WWP2: variants seen among roughly 807,000 people sequenced by gnomAD.
WWP2 encodes WW domain containing E3 ubiquitin protein ligase 2.
A neutral mutation model predicts 121.0 loss-of-function variants in WWP2; 57 were observed. The observed-to-expected ratio is 0.47, with a 90% CI of 0.38 to 0.59. The LOEUF (loss-of-function observed/expected upper bound fraction) is 0.59, where lower values mean the gene tolerates loss of function less well. Ranked by LOEUF, WWP2 falls within the 20% of genes least tolerant of loss-of-function variation. WWP2 has a pLI of 0.00. For synonymous variants in WWP2, 449 were observed against 441.3 expected (o/e 1.02, Z -0.22); for missense variants, 962 against 1,158.9 (o/e 0.83, Z 2.47).
intron 9 of WWP2, among the ~76,000 whole-genome samples, chr16:69,916,734 T>C (rs887100303): frequency 6.6e-6 from 1 of 152,052 alleles, no homozygotes; most frequent in African/African-American, 2.4e-5. Flanking sequence ...TGGCATTCAA[T>C]TGAATGAAGG....
In WWP2 at chr16:69,858,183, G is replaced by A. The variant is rs965510517; in HGVS notation, c.576-13621G>A. 1.2e-4 allele frequency among the ~76,000 whole-genome samples: 18 copies of A among 152,138 alleles called. No homozygotes were observed. In the East Asian group the frequency reaches 3.5e-3, roughly 29 times the overall value. On this transcript the variant is annotated intron_variant, in intron 6 of 23. Transcript: ENST00000359154. The stretch of plus-strand genomic sequence containing the variant: ...TCTTTACACTTAGAAAAAGGATGAT[G>A]AATTGGAGACTTCCGAGGAGTTATT...
chr16:69,937,163 CA>C lies in WWP2; in HGVS notation c.2166del (p.Ala723ProfsTer25). ...RFTRGVEEQTKAFLDGFNEVA... is the reference protein window; with the variant it reads ...RFTRGVEEQTXAFLDGFNEVA... ...TCACCCGAGGCGTGGAAGAGCAGAC[CA>C]AAGCCTTCCTGGATGGCTTCAACGA... On this transcript the variant is annotated frameshift_variant, in exon 20 of 24. Coordinates refer to ENST00000359154, the MANE Select transcript of WWP2 (RefSeq NM_001270454.2). LOFTEE classifies it high-confidence loss of function. This position sits in a 1 kb window ranked among gnomAD's most constrained non-coding sequence, Gnocchi z 6.6. The C allele has an allele frequency of 6.2e-7, 1 of 1,613,956 alleles. No individual in the cohort carries two copies. Among genetic ancestry groups the C allele is most frequent in the Non-Finnish European group, 8.5e-7 (1 of 1,179,996 alleles).
At chr16:69,849,118 A>G (rs1384147189) in intron 6 of WWP2, among the ~76,000 whole-genome samples, 1 of 152,226 alleles carries the variant, frequency 6.6e-6, no homozygotes, top group Non-Finnish European at 1.5e-5. Flanking sequence ...CAGACAGCCT[A>G]TCCCAGAAAG....
At chr16:69,781,428 C>T (rs552063145) in intron 1 of WWP2, among the ~76,000 whole-genome samples, 1 of 152,276 alleles carries the variant, frequency 6.6e-6, no homozygotes, top group South Asian at 2.1e-4. Flanking sequence ...TCACTGCAGC[C>T]TTGACCTCCT....
chr16:69,877,362 A>G (rs993525899), intron 7 of WWP2, among the ~76,000 whole-genome samples: 5 of 152,200 alleles, frequency 3.3e-5, no homozygotes, highest in African/African-American at 9.7e-5. Context: ...CTCAGCCTTC[A>G]TAGAATTGAA....
At chr16:69,844,759 T>C (rs899576692) in intron 6 of WWP2, among the ~76,000 whole-genome samples, 1 of 152,188 alleles carries the variant, frequency 6.6e-6, no homozygotes, top group Non-Finnish European at 1.5e-5. Context: ...GTGTAAGCCT[T>C]ATCGGAGTCC....
intron 4 of WWP2, among the ~76,000 whole-genome samples, chr16:69,824,042 C>CT (rs2056639829): frequency 6.6e-6 from 1 of 152,174 alleles, no homozygotes; most frequent in South Asian, 2.1e-4. Flanking sequence ...TGAATGTGAG[C>CT]TGTTTCCTTC....
intron 6 of WWP2, among the ~76,000 whole-genome samples, chr16:69,865,870 T>C (rs985064651): frequency 6.6e-6 from 1 of 152,170 alleles, no homozygotes; most frequent in Admixed American, 6.5e-5. Context: ...TGGCCTCTTA[T>C]CAGAAAGGAA....
intron 9 of WWP2, among the ~76,000 whole-genome samples, chr16:69,915,256 T>A (rs1161038074): frequency 6.6e-6 from 1 of 152,252 alleles, no homozygotes; most frequent in African/African-American, 2.4e-5. Flanking sequence ...ACTTATAGTA[T>A]TCTACATTGT....
chr16:69,800,223 C>T (rs927815022), intron 4 of WWP2, among the ~76,000 whole-genome samples: 17 of 152,238 alleles, frequency 1.1e-4, no homozygotes, highest in African/African-American at 3.6e-4. Context: ...CACACTGGCC[C>T]GAGGAATTGT....
chr16:69,922,277 C>T (rs1226681231), intron 10 of WWP2, among the ~76,000 whole-genome samples: 2 of 152,052 alleles, frequency 1.3e-5, no homozygotes, highest in East Asian at 1.9e-4. Flanking sequence ...CTGCGTTCCA[C>T]GCTGCAACCT....
intron 4 of WWP2, chr16:69,828,038 T>G (rs1371206937): frequency 5.0e-6 from 2 of 398,386 alleles, no homozygotes; most frequent in African/African-American, 4.2e-5. Flanking sequence ...CTGTAATGGG[T>G]AACTGGTGCT....
At chr16:69,833,821 C>G (rs2056831153) in intron 4 of WWP2, among the ~76,000 whole-genome samples, 1 of 152,136 alleles carries the variant, frequency 6.6e-6, no homozygotes, top group Non-Finnish European at 1.5e-5. Context: ...GTTTGCAGCC[C>G]CTGCCTGTGA....
intron 1 of WWP2, among the ~76,000 whole-genome samples, chr16:69,776,700 TGCC>T (rs1567657278): frequency 2.6e-5 from 4 of 152,186 alleles, no homozygotes; most frequent in Middle Eastern, 6.8e-3. Context: ...TGGTGGTGCA[TGCC>T]TGTAATCCCA....
chr16:69,773,368 T>G (rs1199200483), intron 1 of WWP2, among the ~76,000 whole-genome samples: 1 of 152,076 alleles, frequency 6.6e-6, no homozygotes, highest in Non-Finnish European at 1.5e-5. Flanking sequence ...TAGTAGAGAT[T>G]GGGTTTCACT....
At chr16:69,841,829 C>T (rs1377016772) in intron 5 of WWP2, among the ~76,000 whole-genome samples, 195 bp from the exon 6 acceptor site, 4 of 152,162 alleles carry the variant, frequency 2.6e-5, no homozygotes, top group Non-Finnish European at 4.4e-5. Context: ...CCCCACTGCT[C>T]CATGGCATGG....
At chr16:69,833,124 G>C (rs1286574063) in intron 4 of WWP2, among the ~76,000 whole-genome samples, 1 of 152,254 alleles carries the variant, frequency 6.6e-6, no homozygotes, top group Admixed American at 6.5e-5. Context: ...CTCCCAAAGT[G>C]CTGGGATTAC....
At chr16:69,772,908 C>G (rs184493383) in intron 1 of WWP2, among the ~76,000 whole-genome samples, 53 of 152,160 alleles carry the variant, frequency 3.5e-4, no homozygotes, top group African/African-American at 1.1e-3. Context: ...ACACTGGAAC[C>G]ATTTTCCAAA....
chr16:69,867,140 CTTTTT>C (rs11287046), intron 6 of WWP2, among the ~76,000 whole-genome samples: 2 of 132,616 alleles, frequency 1.5e-5, no homozygotes, highest in Non-Finnish European at 3.3e-5. Context: ...CTGGCCAAGG[CTTTTT>C]TTTTTTTTTT....
Sources: allele counts gnomAD v4.1 joint callset (sites outside exome capture counted in the v4.1 genomes callset), GRCh38; gene constraint gnomAD v4.1.1; non-coding constraint Gnocchi (gnomAD v3.1); transcripts MANE v1.5; gene names NCBI Gene and HGNC (gene_info 2026-07-23, HGNC 2026-07-21).